Variants in WWTR1 observed in about 807,000 individuals in gnomAD.
WWTR1 encodes the protein WW domain containing transcription regulator 1.
WWTR1 carries 13 observed loss-of-function variants against 40.1 expected under a neutral mutation model. The ratio of observed to expected loss-of-function variants is 0.32; its 90% CI spans 0.21 to 0.52. The LOEUF is 0.52. Ranked by LOEUF, WWTR1 falls within the 20% of genes least tolerant of loss-of-function variation. The pLI is 0.97. For synonymous variants in WWTR1, 230 were observed against 210.1 expected (o/e 1.09, Z -0.82); for missense variants, 436 against 523.1 (o/e 0.83, Z 1.63).
intron 2 of WWTR1, among the ~76,000 whole-genome samples, chr3:149,612,485 T>A (rs1190426820): frequency 6.6e-6 from 1 of 152,184 alleles, no homozygotes; most frequent in Non-Finnish European, 1.5e-5. Context: ...TGTAATTAAT[T>A]TTCCTGTCCT....
intron 4 of WWTR1, among the ~76,000 whole-genome samples, chr3:149,530,223 T>C (rs1735502286): frequency 1.3e-5 from 2 of 152,094 alleles, no homozygotes; most frequent in Non-Finnish European, 1.5e-5. Flanking sequence ...GGCATGCACC[T>C]GTGGTCCCAG....
intron 2 of WWTR1, among the ~76,000 whole-genome samples, chr3:149,643,824 C>T (rs1712330924): frequency 6.6e-6 from 1 of 152,174 alleles, no homozygotes; most frequent in Admixed American, 6.5e-5. Context: ...AAACACACCA[C>T]AGAGCTAACC....
At chr3:149,709,090 C>G (rs776035288) in intron 5 of WWTR1, among the ~76,000 whole-genome samples, 3 of 152,158 alleles carry the variant, frequency 2.0e-5, no homozygotes, top group Non-Finnish European at 4.4e-5. Context: ...ATCCTCCCAC[C>G]CCAGCCTCCT....
chr3:149,570,719 T>C (rs1364361789), intron 3 of WWTR1, among the ~76,000 whole-genome samples: 1 of 152,144 alleles, frequency 6.6e-6, no homozygotes, highest in Non-Finnish European at 1.5e-5. Flanking sequence ...ACTAGTGCAA[T>C]TGGACTTTGT....
intron 2 of WWTR1, among the ~76,000 whole-genome samples, chr3:149,599,027 A>G (rs1739126604): frequency 6.6e-6 from 1 of 152,222 alleles, no homozygotes; most frequent in African/African-American, 2.4e-5. Context: ...TAATTGGCCA[A>G]CCAATTTTTA....
chr3:149,672,068 G>A (rs890590391), intron 1 of WWTR1, among the ~76,000 whole-genome samples: 1 of 151,970 alleles, frequency 6.6e-6, no homozygotes, highest in African/African-American at 2.4e-5. Flanking sequence ...TAGCTTGTGG[G>A]CCTATTTTTG....
intron 6 of WWTR1, among the ~76,000 whole-genome samples, chr3:149,522,001 T>A (rs1199638635): frequency 6.6e-6 from 1 of 152,188 alleles, no homozygotes; most frequent in Non-Finnish European, 1.5e-5. Flanking sequence ...ATATAATAAA[T>A]GTTCATTGTC....
At chr3:149,535,064 C>T (rs190287966) in intron 4 of WWTR1, among the ~76,000 whole-genome samples, 338 of 152,256 alleles carry the variant, frequency 2.2e-3, no homozygotes, top group South Asian at 8.7e-3. Context: ...AGGGAACACT[C>T]TGCCAGCCAG....
At chr3:149,618,132 G>A (rs1400080391) in intron 2 of WWTR1, among the ~76,000 whole-genome samples, 2 of 152,192 alleles carry the variant, frequency 1.3e-5, no homozygotes, top group African/African-American at 4.8e-5. Flanking sequence ...ACTGAAACAA[G>A]AGATTCCAAA....
intron 3 of WWTR1, among the ~76,000 whole-genome samples, chr3:149,546,001 A>G (rs1308026624): frequency 6.6e-6 from 1 of 152,224 alleles, no homozygotes; most frequent in South Asian, 2.1e-4. Context: ...TGAAAGCCAC[A>G]TAGCAACCAG....
intron 2 of WWTR1, among the ~76,000 whole-genome samples, chr3:149,610,668 G>A (rs1739693572): frequency 6.6e-6 from 1 of 152,218 alleles, no homozygotes; most frequent in Non-Finnish European, 1.5e-5. Context: ...AAAGGAGGCA[G>A]GACGCCAGAA....
At chr3:149,662,518 CG>C (rs1206897823), upstream of WWTR1, among the ~76,000 whole-genome samples, 5 of 152,170 alleles carry the variant, frequency 3.3e-5, no homozygotes, top group African/African-American at 1.2e-4. Context: ...ATCCAATCAG[CG>C]GCAAATGCTA....
chr3:149,715,658 C>T (rs1715591013), intron 5 of WWTR1, among the ~76,000 whole-genome samples: 2 of 152,186 alleles, frequency 1.3e-5, no homozygotes, highest in African/African-American at 4.8e-5. Flanking sequence ...GCACCACCAG[C>T]CAAAGAGATT....
chr3:149,581,892 C>A (rs1277682224), intron 2 of WWTR1, among the ~76,000 whole-genome samples: 1 of 152,160 alleles, frequency 6.6e-6, no homozygotes, highest in Non-Finnish European at 1.5e-5. Context: ...CTGTCTGAAC[C>A]TACTCAGTCA....
At chr3:149,652,620 C>CAAAAAAAAAAAAAAAAAAAAAAAA (rs758013561) in intron 2 of WWTR1, among the ~76,000 whole-genome samples, 3 of 20,202 alleles carry the variant, frequency 1.5e-4, no homozygotes, top group Non-Finnish European at 3.0e-4. Flanking sequence ...GACCCCATCT[C>CAAAAAAAAAAAAAAAAAAAAAAAA]AAAAAAAAAA....
At chr3:149,596,651 T>C (rs1187050678) in intron 2 of WWTR1, among the ~76,000 whole-genome samples, 1 of 152,230 alleles carries the variant, frequency 6.6e-6, no homozygotes, top group Admixed American at 6.5e-5. Flanking sequence ...GAGCAGTACC[T>C]GGTGCCATCA....
intron 3 of WWTR1, among the ~76,000 whole-genome samples, chr3:149,569,613 C>T (rs781106819): frequency 2.2e-4 from 33 of 152,286 alleles, no homozygotes; most frequent in Non-Finnish European, 3.2e-4. Flanking sequence ...CTGATTATAT[C>T]ACGGCTCTAG....
intron 2 of WWTR1, among the ~76,000 whole-genome samples, chr3:149,583,142 T>C (rs919839371): frequency 1.3e-5 from 2 of 152,082 alleles, no homozygotes; most frequent in African/African-American, 2.4e-5. Flanking sequence ...ATTTTTGTAT[T>C]TTTAGTAGAG....
rs576910339 is a variant in WWTR1 at position 149,710,879 on chromosome 3, C to T, written n.584+6563G>A. On this transcript the variant is annotated intron_variant and non_coding_transcript_variant, in intron 5 of 6. Transcript: ENST00000474080. ...CAGGCATGAGCCACTGCACCTGGCA[C>T]GTTATCCCCTTTTAACAAAGGAAGA... is the stretch of plus-strand genomic sequence containing the variant. Among the ~76,000 whole-genome samples, 40 of 151,870 alleles carry T rather than the reference C, an allele frequency of 2.6e-4. No homozygotes were observed. The South Asian group carries it at 8.3e-3, about 32-fold the overall frequency.
Sources: gnomAD v4.1 joint callset for allele counts (sites outside exome capture counted in the v4.1 genomes callset) on GRCh38, gnomAD v4.1.1 for gene constraint, MANE v1.5 for transcripts, NCBI Gene and HGNC (gene_info 2026-07-23, HGNC 2026-07-21) for gene names.